The following MCTP1 variants were observed in gnomAD, a reference collection of about 807,000 sequenced individuals.
MCTP1 encodes the protein multiple C2 and transmembrane domain containing 1, also known as multiple C2 and transmembrane domain-containing protein 1.
Under a neutral mutation model 120.6 loss-of-function variants are expected in MCTP1, and 69 were observed. The ratio of observed to expected loss-of-function variants is 0.57; its 90% CI spans 0.47 to 0.70. MCTP1 has a LOEUF of 0.70. Among genes scored for constraint, MCTP1 ranks in the 30% least tolerant of loss-of-function variants. The probability of loss-of-function intolerance (pLI) is 0.00; values close to 1 mark genes in which losing one functional copy is unlikely to be tolerated. For missense variants in MCTP1, 1,203 were observed against 1,248.8 expected, an observed-to-expected ratio of 0.96 and a Z score of 0.55; for synonymous variants, 529 against 493.1, an observed-to-expected ratio of 1.07 and a Z score of -0.96.
At chr5:94,938,934 G>A (rs1816870148) in intron 5 of MCTP1, among the ~76,000 whole-genome samples, 1 of 151,986 alleles carries the variant, frequency 6.6e-6, no homozygotes, top group Non-Finnish European at 1.5e-5. Context: ...GGGTGCATGT[G>A]CACACATACA....
At chr5:95,168,892 T>C (rs1423450109) in intron 1 of MCTP1, among the ~76,000 whole-genome samples, 4 of 152,190 alleles carry the variant, frequency 2.6e-5, no homozygotes, top group Admixed American at 6.5e-5. Flanking sequence ...CCTTTATTTC[T>C]TTCTCCTGCC....
At position 95,245,628 on chromosome 5, in the gene MCTP1, A is replaced by C. The variant is rs866114611; in HGVS notation, c.720+38228T>G. On this transcript the variant is annotated intron_variant, in intron 1 of 22. Coordinates refer to ENST00000515393, the MANE Select transcript of MCTP1 (RefSeq NM_024717.7). ...AAAGCATGAAGACAAGATTAGAAAA[A>C]AAAAAAGAGTGAAAAGAAATGAACA... Among the ~76,000 whole-genome samples, 49 of 152,240 alleles carry C rather than the reference A, an allele frequency of 3.2e-4. 1 individual carries two copies. Among genetic ancestry groups the C allele is most frequent in the Admixed American group, 1.7e-3 (26 of 15,284 alleles).
intron 1 of MCTP1, among the ~76,000 whole-genome samples, chr5:95,187,475 T>C (rs1236362767): frequency 3.9e-5 from 6 of 152,100 alleles, no homozygotes; most frequent in Non-Finnish European, 5.9e-5. Flanking sequence ...CCTCAGCTCA[T>C]CTTAACCTCC....
At chr5:94,801,356 T>C (rs1051002867) in intron 17 of MCTP1, among the ~76,000 whole-genome samples, 4 of 152,232 alleles carry the variant, frequency 2.6e-5, no homozygotes, top group African/African-American at 9.6e-5. Context: ...GTTCTATAGA[T>C]CTACTATATA....
intron 1 of MCTP1, among the ~76,000 whole-genome samples, chr5:95,230,036 C>T (rs1326474760): frequency 6.6e-6 from 1 of 152,062 alleles, no homozygotes; most frequent in Non-Finnish European, 1.5e-5. Context: ...GCACATGCTC[C>T]TCTTAACAGA....
intron 3 of MCTP1, among the ~76,000 whole-genome samples, chr5:94,945,414 T>A (rs754299609): frequency 6.6e-6 from 1 of 152,228 alleles, no homozygotes; most frequent in African/African-American, 2.4e-5. Context: ...TCAACTGGCT[T>A]CAATTTCTAG....
At chr5:95,125,093 C>T (rs1183783491) in intron 1 of MCTP1, among the ~76,000 whole-genome samples, 2 of 152,188 alleles carry the variant, frequency 1.3e-5, no homozygotes, top group African/African-American at 2.4e-5. Flanking sequence ...ATATTACACA[C>T]ACTAAGAATT....
intron 19 of MCTP1, among the ~76,000 whole-genome samples, chr5:94,755,822 A>G (rs545959578): frequency 6.6e-6 from 1 of 152,302 alleles, no homozygotes; most frequent in Non-Finnish European, 1.5e-5. Flanking sequence ...TCTAATGGGT[A>G]ATTCTCAAAT....
At chr5:94,816,613 T>C (rs2153084886) in intron 17 of MCTP1, among the ~76,000 whole-genome samples, 1 of 152,224 alleles carries the variant, frequency 6.6e-6, no homozygotes. Flanking sequence ...TTTTTTCCCC[T>C]TTATCAACTT....
intron 5 of MCTP1, among the ~76,000 whole-genome samples, chr5:94,939,772 C>A (rs1290780308): frequency 2.0e-5 from 3 of 151,884 alleles, no homozygotes; most frequent in Non-Finnish European, 4.4e-5. Flanking sequence ...ATTCAATTCA[C>A]TAATAAATGT....
intron 1 of MCTP1, among the ~76,000 whole-genome samples, chr5:95,116,169 T>C (rs572579302): frequency 1.3e-5 from 2 of 152,006 alleles, no homozygotes; most frequent in East Asian, 3.9e-4. Context: ...AGTACTTCAA[T>C]CAGAAAGAAA....
chr5:95,170,587 G>C (rs1322909324), intron 1 of MCTP1, among the ~76,000 whole-genome samples: 1 of 151,980 alleles, frequency 6.6e-6, no homozygotes, highest in African/African-American at 2.4e-5. Flanking sequence ...TATGAATCTG[G>C]GTGCTCCTGT....
intron 1 of MCTP1, among the ~76,000 whole-genome samples, chr5:95,101,147 G>A (rs1412621549): frequency 6.6e-6 from 1 of 151,862 alleles, no homozygotes; most frequent in East Asian, 1.9e-4. Flanking sequence ...AATAAGACAA[G>A]GGGAGTTAGA....
chr5:94,915,973 G>A (rs1809951936), intron 8 of MCTP1, among the ~76,000 whole-genome samples: 1 of 152,094 alleles, frequency 6.6e-6, no homozygotes, highest in African/African-American at 2.4e-5. Flanking sequence ...CAGGGCTAAT[G>A]GGTGTGGTAA....
chr5:94,889,058 T>C, intron 11 of MCTP1, 86 bp from the exon 12 acceptor site: 1 of 865,972 alleles, frequency 1.2e-6, no homozygotes, highest in Non-Finnish European at 1.9e-6. Context: ...ATTTTTTAGT[T>C]TATCTTCAGA....
At chr5:95,114,798 C>T (rs1171463132) in intron 1 of MCTP1, among the ~76,000 whole-genome samples, 1 of 152,290 alleles carries the variant, frequency 6.6e-6, no homozygotes, top group Non-Finnish European at 1.5e-5. Context: ...GGGCCTTGCA[C>T]GAACATAGGT....
chr5:95,009,782 G>A (rs190663817), intron 2 of MCTP1, among the ~76,000 whole-genome samples: 33 of 152,202 alleles, frequency 2.2e-4, no homozygotes, highest in African/African-American at 5.1e-4. Context: ...CAAAGATCAC[G>A]TACTTTCTAA....
chr5:94,952,835 G>A (rs374161245), intron 3 of MCTP1, among the ~76,000 whole-genome samples: 54 of 151,838 alleles, frequency 3.6e-4, no homozygotes, highest in African/African-American at 1.1e-3. Context: ...TTTGCTTGCA[G>A]CCAGAAATGG....
intron 1 of MCTP1, among the ~76,000 whole-genome samples, chr5:95,122,687 A>G (rs1309643817): frequency 6.6e-6 from 1 of 152,228 alleles, no homozygotes; most frequent in African/African-American, 2.4e-5. Flanking sequence ...TTGAAGAGGT[A>G]TCTGCCTTTC....
Sources: gnomAD v4.1 joint callset for allele counts (sites outside exome capture counted in the v4.1 genomes callset) on GRCh38, gnomAD v4.1.1 for gene constraint, MANE v1.5 for transcripts, NCBI Gene and HGNC (gene_info 2026-07-23, HGNC 2026-07-21) for gene names.